SLC24A3: variants seen among roughly 807,000 people sequenced by gnomAD.
SLC24A3 encodes the protein sodium/potassium/calcium exchanger 3.
A neutral mutation model predicts 75.8 loss-of-function variants in SLC24A3; 28 were observed. That is an observed-to-expected ratio of 0.37 (90% CI 0.27 to 0.51). The LOEUF is 0.51. Among genes scored for constraint, SLC24A3 ranks in the 20% least tolerant of loss-of-function variants. The probability of loss-of-function intolerance (pLI) is 0.94; values close to 1 mark genes in which losing one functional copy is unlikely to be tolerated. For synonymous variants in SLC24A3, 372 were observed against 334.1 expected (o/e 1.11, Z -1.24); for missense variants, 663 against 847.8 (o/e 0.78, Z 2.71).
intron 2 of SLC24A3, among the ~76,000 whole-genome samples, chr20:19,453,827 G>A (rs576726900): frequency 4.6e-5 from 7 of 152,308 alleles, no homozygotes; most frequent in African/African-American, 7.2e-5. Context: ...TGAGAACAAC[G>A]AGGACATCAA....
At chr20:19,698,012 T>C (rs546841751) in intron 14 of SLC24A3, among the ~76,000 whole-genome samples, 1 of 152,282 alleles carries the variant, frequency 6.6e-6, no homozygotes, top group African/African-American at 2.4e-5. Context: ...CATGCCAGCA[T>C]CTGCTCGGCT....
At chr20:19,337,358 C>G (rs1401970712) in intron 2 of SLC24A3, among the ~76,000 whole-genome samples, 1 of 152,152 alleles carries the variant, frequency 6.6e-6, no homozygotes, top group Non-Finnish European at 1.5e-5. Context: ...ACAGGAGAAT[C>G]ACTTGAACCT....
chr20:19,238,588 C>G (rs1370691754), intron 1 of SLC24A3, among the ~76,000 whole-genome samples: 1 of 152,188 alleles, frequency 6.6e-6, no homozygotes, highest in Non-Finnish European at 1.5e-5. Flanking sequence ...GATTTTAAAG[C>G]AAAGTGGATG....
At chr20:19,346,093 A>ATATATATATGGTGTGTGTGTGTGTGTG (rs1985395765) in intron 2 of SLC24A3, among the ~76,000 whole-genome samples, 1 of 72,160 alleles carries the variant, frequency 1.4e-5, no homozygotes, top group African/African-American at 1.2e-4. Context: ...ATATATATAT[A>ATATATATATGGTGTGTGTGTGTGTGTG]TATATATATA....
At chr20:19,603,794 T>A (rs1316736339) in intron 6 of SLC24A3, among the ~76,000 whole-genome samples, 2 of 152,102 alleles carry the variant, frequency 1.3e-5, no homozygotes, top group Non-Finnish European at 2.9e-5. Context: ...AAAACAAGGC[T>A]GTGAGTTCCA....
intron 6 of SLC24A3, among the ~76,000 whole-genome samples, chr20:19,629,045 A>G (rs1303399786): frequency 2.6e-5 from 4 of 152,200 alleles, no homozygotes; most frequent in Non-Finnish European, 5.9e-5. Context: ...AATCTCCAGT[A>G]ACTGACCCAA....
intron 15 of SLC24A3, among the ~76,000 whole-genome samples, chr20:19,711,594 A>G (rs948140494): frequency 6.6e-6 from 1 of 152,212 alleles, no homozygotes; most frequent in South Asian, 2.1e-4. Flanking sequence ...ATGCAAACAC[A>G]TGCACACAAA....
intron 2 of SLC24A3, among the ~76,000 whole-genome samples, chr20:19,485,258 G>A (rs1220223864): frequency 6.6e-6 from 1 of 152,200 alleles, no homozygotes; most frequent in Non-Finnish European, 1.5e-5. Flanking sequence ...ACTGGCAGCA[G>A]CCTCGTTGTC....
At chr20:19,628,584 G>T (rs1391390612) in intron 6 of SLC24A3, among the ~76,000 whole-genome samples, 1 of 152,146 alleles carries the variant, frequency 6.6e-6, no homozygotes, top group Non-Finnish European at 1.5e-5. Flanking sequence ...TGGATTTTGG[G>T]GGTGCTTCTC....
At chr20:19,435,938 A>G (rs1987192747) in intron 2 of SLC24A3, among the ~76,000 whole-genome samples, 1 of 152,162 alleles carries the variant, frequency 6.6e-6, no homozygotes, top group Admixed American at 6.5e-5. Context: ...TCTGCAGCTT[A>G]ATCACCTGAA....
intron 8 of SLC24A3, among the ~76,000 whole-genome samples, chr20:19,671,110 G>A (rs2032461309): frequency 6.6e-6 from 1 of 152,190 alleles, no homozygotes; most frequent in African/African-American, 2.4e-5. Flanking sequence ...TCGGGCAGGG[G>A]CAGGCAGGGA....
chr20:19,349,728 T>C (rs2024620), intron 2 of SLC24A3, among the ~76,000 whole-genome samples: 57,082 of 152,104 alleles, frequency 0.38, 11,096 homozygotes, highest in Middle Eastern at 0.54. Context: ...CTTTGTTGGC[T>C]CCTTTATTCC....
chr20:19,536,054 A>G (rs1297083338), intron 3 of SLC24A3, among the ~76,000 whole-genome samples: 1 of 152,184 alleles, frequency 6.6e-6, no homozygotes, highest in Non-Finnish European at 1.5e-5. Context: ...AATTTGCCAC[A>G]TTGAGGATCA....
chr20:19,256,119 A>G (rs537053875), intron 1 of SLC24A3, among the ~76,000 whole-genome samples: 1 of 151,550 alleles, frequency 6.6e-6, no homozygotes, highest in Non-Finnish European at 1.5e-5. Flanking sequence ...AATAATAATA[A>G]TAATAGTAAT....
intron 2 of SLC24A3, among the ~76,000 whole-genome samples, chr20:19,414,876 C>T (rs1896304150): frequency 6.6e-6 from 1 of 152,110 alleles, no homozygotes; most frequent in Non-Finnish European, 1.5e-5. Context: ...CCTTGGCTGT[C>T]AAAAACCTAA....
chr20:19,492,759 G>T (rs1346359892), intron 2 of SLC24A3, among the ~76,000 whole-genome samples: 3 of 151,990 alleles, frequency 2.0e-5, no homozygotes, highest in Non-Finnish European at 4.4e-5. Flanking sequence ...AATAAGTGTG[G>T]ATATTTTTAT....
chr20:19,561,346 G>A (rs141146637), intron 3 of SLC24A3, among the ~76,000 whole-genome samples: 97 of 152,216 alleles, frequency 6.4e-4, no homozygotes, highest in African/African-American at 2.2e-3. Flanking sequence ...TTACCACTGC[G>A]TTGGTCATCC....
At chr20:19,307,590 C>T (rs181970325) in intron 2 of SLC24A3, among the ~76,000 whole-genome samples, 43 of 151,864 alleles carry the variant, frequency 2.8e-4, no homozygotes, top group Non-Finnish European at 4.1e-4. Context: ...CATCACACAC[C>T]GGGGCCTGTT....
chr20:19,288,276 A>T (rs1478059029), intron 2 of SLC24A3, among the ~76,000 whole-genome samples: 1 of 152,226 alleles, frequency 6.6e-6, no homozygotes, highest in Non-Finnish European at 1.5e-5. Flanking sequence ...AACAAACAGG[A>T]TGAAATAGGG....
Sources: gnomAD v4.1 joint callset for allele counts (sites outside exome capture counted in the v4.1 genomes callset) on GRCh38, gnomAD v4.1.1 for gene constraint, MANE v1.5 for transcripts, NCBI Gene and HGNC (gene_info 2026-07-23, HGNC 2026-07-21) for gene names.